Variants in ASCC3 observed in about 807,000 individuals in gnomAD.
ASCC3 encodes activating signal cointegrator 1 complex subunit 3, also known as ASC-1 complex subunit P200.
Under a neutral mutation model 256.3 loss-of-function variants are expected in ASCC3, and 158 were observed. That is an observed-to-expected ratio of 0.62 (90% CI 0.54 to 0.70). The LOEUF (loss-of-function observed/expected upper bound fraction) is 0.70, where lower values mean the gene tolerates loss of function less well. ASCC3 is among the 30% of genes least tolerant of loss of function. The pLI is 0.00. For missense variants in ASCC3, 2,259 were observed against 2,626.0 expected (o/e 0.86, Z 3.05); for synonymous variants, 948 against 883.4 (o/e 1.07, Z -1.30).
At chr6:100,583,856 T>A (rs1428350118) in intron 36 of ASCC3, among the ~76,000 whole-genome samples, 1 of 152,224 alleles carries the variant, frequency 6.6e-6, no homozygotes, top group Non-Finnish European at 1.5e-5. Context: ...CCAGTGGTCA[T>A]TCAGGAGCAG....
intron 10 of ASCC3, among the ~76,000 whole-genome samples, chr6:100,758,701 T>C (rs1781299186): frequency 6.6e-6 from 1 of 152,196 alleles, no homozygotes; most frequent in South Asian, 2.1e-4. Flanking sequence ...TAAAGATGCG[T>C]GTGTATGTGT....
At chr6:100,570,361 G>A (rs1027510275) in intron 36 of ASCC3, among the ~76,000 whole-genome samples, 4 of 152,138 alleles carry the variant, frequency 2.6e-5, no homozygotes, top group Non-Finnish European at 5.9e-5. Context: ...CCTCATTCCA[G>A]TTCTCAAGGG....
At chr6:100,792,502 C>A (rs1202558849) in intron 8 of ASCC3, among the ~76,000 whole-genome samples, 1 of 151,814 alleles carries the variant, frequency 6.6e-6, no homozygotes, top group African/African-American at 2.4e-5. Context: ...TGGCATACAC[C>A]ACCACCTGCT....
intron 4 of ASCC3, among the ~76,000 whole-genome samples, chr6:100,816,563 A>G (rs1269904349): frequency 6.6e-6 from 1 of 152,196 alleles, no homozygotes; most frequent in Non-Finnish European, 1.5e-5. Context: ...TACATTATGG[A>G]ATACTATGCA....
At chr6:100,562,741 T>A (rs1410765522) in intron 36 of ASCC3, among the ~76,000 whole-genome samples, 1 of 152,098 alleles carries the variant, frequency 6.6e-6, no homozygotes, top group East Asian at 1.9e-4. Flanking sequence ...GACAGCACAC[T>A]TAATTCCTTA....
intron 37 of ASCC3, among the ~76,000 whole-genome samples, chr6:100,520,859 A>C (rs145013625): frequency 6.6e-6 from 1 of 152,062 alleles, no homozygotes; most frequent in African/African-American, 2.4e-5. Flanking sequence ...TCAGAACTCA[A>C]CTCTGTTATG....
chr6:100,591,300 T>G (rs1272024716), intron 34 of ASCC3, among the ~76,000 whole-genome samples: 22 of 152,024 alleles, frequency 1.4e-4, no homozygotes, highest in Admixed American at 1.4e-3. Context: ...GTCTTCTGCT[T>G]TAGAGGTGAA....
Position 100,679,762 on chromosome 6 carries a change from A to C in ASCC3, c.2152-10T>G. On this transcript the variant is annotated splice_polypyrimidine_tract_variant and intron_variant, in intron 13 of 41. Coordinates refer to ENST00000369162, the MANE Select transcript of ASCC3 (RefSeq NM_006828.4). Reference sequence around the variant, plus strand: ...GTACAAACACCATCACCTGAAAAAAAGGAAAGCAGTTTATTTAATATTCCA... The same window carrying C: ...GTACAAACACCATCACCTGAAAAAACGGAAAGCAGTTTATTTAATATTCCA... 6.2e-7 allele frequency: 1 copy of C among 1,613,172 alleles called. No individual in the cohort carries two copies. The highest frequency in any genetic ancestry group is 1.1e-5 in the South Asian group (1 of 91,060).
At chr6:100,756,631 T>G (rs986364902) in intron 10 of ASCC3, among the ~76,000 whole-genome samples, 12 of 152,116 alleles carry the variant, frequency 7.9e-5, no homozygotes, top group African/African-American at 2.9e-4. Flanking sequence ...ACTAAGGGAA[T>G]TGAATGATGA....
intron 11 of ASCC3, among the ~76,000 whole-genome samples, chr6:100,724,349 T>A (rs753365835): frequency 6.6e-6 from 1 of 151,724 alleles, no homozygotes; most frequent in African/African-American, 2.4e-5. Context: ...TTATTACTTA[T>A]GTTTGAGCAA....
chr6:100,786,427 GA>G, intron 8 of ASCC3, among the ~76,000 whole-genome samples: 1 of 152,140 alleles, frequency 6.6e-6, no homozygotes, highest in African/African-American at 2.4e-5. Context: ...AATCAGTTTG[GA>G]AAGTTTAAAC....
chr6:100,568,784 TTATTA>T (rs1466486110), intron 36 of ASCC3, among the ~76,000 whole-genome samples: 7 of 147,602 alleles, frequency 4.7e-5, no homozygotes, highest in Non-Finnish European at 7.4e-5. Flanking sequence ...ATTATTATTA[TTATTA>T]TTTTTTGAGA....
intron 13 of ASCC3, among the ~76,000 whole-genome samples, chr6:100,713,330 C>T (rs1015723494): frequency 1.2e-4 from 18 of 152,006 alleles, no homozygotes; most frequent in Admixed American, 7.2e-4. Context: ...GAAAAGGCTA[C>T]ATACTATGTG....
chr6:100,844,464 C>T (rs9498408), intron 4 of ASCC3, among the ~76,000 whole-genome samples: 22,319 of 151,646 alleles, frequency 0.15, 2,696 homozygotes, highest in East Asian at 0.36. Context: ...TCCAGTAGAA[C>T]GAACCCTACT....
intron 36 of ASCC3, among the ~76,000 whole-genome samples, chr6:100,584,630 T>C (rs1771539024): frequency 6.6e-6 from 1 of 152,190 alleles, no homozygotes; most frequent in Non-Finnish European, 1.5e-5. Context: ...GTCATTATGA[T>C]GTTAGCTGGT....
intron 37 of ASCC3, chr6:100,530,621 T>C: frequency 2.5e-6 from 2 of 801,134 alleles, no homozygotes; most frequent in Non-Finnish European, 4.6e-6. Context: ...CAATACAGTG[T>C]GAGTTCTCCA....
chr6:100,590,492 C>T (rs562109131), intron 34 of ASCC3, among the ~76,000 whole-genome samples: 20 of 152,178 alleles, frequency 1.3e-4, no homozygotes, highest in South Asian at 4.1e-4. Context: ...GAAACAGATC[C>T]GAAGAGCAAG....
intron 13 of ASCC3, among the ~76,000 whole-genome samples, chr6:100,708,636 T>A (rs1234493671): frequency 6.6e-6 from 1 of 152,100 alleles, no homozygotes; most frequent in African/African-American, 2.4e-5. Flanking sequence ...AGACCAGGGA[T>A]GCTGCTAAAC....
rs762896594 is a variant in ASCC3 at position 100,661,930 on chromosome 6, T to C, written c.2579A>G (p.Lys860Arg). The C allele has an allele frequency of 1.2e-6, 2 of 1,613,290 alleles. No individual in the cohort carries two copies. The highest frequency in any genetic ancestry group is 1.7e-6 in the Non-Finnish European group (2 of 1,179,526). The change falls in exon 16 of 42, where the codon AAA (lysine) becomes AGA (arginine). Residue 860 changes from lysine to arginine, a missense_variant. Around this residue, in one of 2 missense-constraint regions of ASCC3, gnomAD observed 1,839 missense variants for 2,206.7 expected, o/e 0.83. Transcript: ENST00000369162. The part of the protein sequence containing the change: ...FGRAGRPQFD[K>R]FGEGIIITTH... ...TGTTATAATTATTCCTTCCCCAAAT[T>C]TGTCAAATTGTGGTCGTCCAGCTCG...
Sources: gnomAD v4.1 joint callset for allele counts (sites outside exome capture counted in the v4.1 genomes callset) on GRCh38, gnomAD v4.1.1 for gene constraint, gnomAD v4.1.1 regional missense constraint, MANE v1.5 for transcripts, NCBI Gene and HGNC (gene_info 2026-07-23, HGNC 2026-07-21) for gene names.